The following SPATA13 variants were observed in gnomAD, a reference collection of about 807,000 sequenced individuals.
The protein encoded by SPATA13 is spermatogenesis associated 13.
A neutral mutation model predicts 104.0 loss-of-function variants in SPATA13; 50 were observed. That is an observed-to-expected ratio of 0.48 (90% CI 0.38 to 0.61). SPATA13 has a LOEUF of 0.61. Ranked by LOEUF, SPATA13 falls within the 20% of genes least tolerant of loss-of-function variation. SPATA13 has a pLI of 0.00. For synonymous variants in SPATA13, 606 were observed against 667.5 expected (o/e 0.91, Z 1.42); for missense variants, 1,524 against 1,690.6 (o/e 0.90, Z 1.73).
chr13:24,299,271 G>A (rs1877010503), intron 11 of SPATA13, among the ~76,000 whole-genome samples: 2 of 152,130 alleles, frequency 1.3e-5, no homozygotes, highest in Admixed American at 6.5e-5. Flanking sequence ...GGAAAGGAGG[G>A]GCCCGATGTG....
chr13:24,091,277 C>A (rs1159745835), intron 3 of SPATA13, among the ~76,000 whole-genome samples: 1 of 152,200 alleles, frequency 6.6e-6, no homozygotes, highest in Non-Finnish European at 1.5e-5. Flanking sequence ...ATGGGTGTGG[C>A]CTTCCTGGTT....
rs772140296 is a variant in SPATA13, at chr13:24,294,886, C to G, written c.3210+18C>G. 3.8e-6 allele frequency: 6 copies of G among 1,595,574 alleles called. 1 individual carries two copies. Among genetic ancestry groups the G allele is most frequent in the Non-Finnish European group, 4.3e-6 (5 of 1,164,812 alleles). On this transcript the variant is annotated intron_variant, in intron 10 of 12. Transcript: ENST00000382108. The stretch of plus-strand genomic sequence containing the variant: ...GCTGGGAGGTAAGTGGAAAGCACCC[C>G]ACATGATCCCATGCCACTCGCCCTT...
intron 3 of SPATA13, among the ~76,000 whole-genome samples, chr13:24,121,492 T>G (rs923873288): frequency 6.6e-6 from 1 of 152,186 alleles, no homozygotes; most frequent in African/African-American, 2.4e-5. Context: ...AGTTATGTAG[T>G]GCTACAATAA....
rs146270169 is a variant in SPATA13 at position 24,257,739 on chromosome 13, G to A, written c.2164+5877G>A. On this transcript the variant is annotated intron_variant, in intron 4 of 12. Coordinates refer to ENST00000382108, the MANE Select transcript of SPATA13 (RefSeq NM_001166271.3). ...CTTTATCAGAGTGATACAGTAATAC[G>A]AATTGCTAGCAGGCAGGTTGTAAAA... Among the ~76,000 whole-genome samples the A allele has an allele frequency of 2.0e-3, 308 of 152,010 alleles. 1 individual carries two copies. The highest frequency in any genetic ancestry group is 6.2e-3 in the African/African-American group (256 of 41,434).
chr13:24,222,210 G>C (rs1316789905), intron 1 of SPATA13, among the ~76,000 whole-genome samples: 1 of 152,154 alleles, frequency 6.6e-6, no homozygotes, highest in Non-Finnish European at 1.5e-5. Flanking sequence ...CTCAGAGGCT[G>C]CCCTGGCATG....
chr13:24,125,506 G>A (rs142001467), intron 3 of SPATA13, among the ~76,000 whole-genome samples: 27 of 152,174 alleles, frequency 1.8e-4, no homozygotes, highest in East Asian at 1.5e-3. Context: ...TTCAGGGGTC[G>A]TATGGACCAA....
At chr13:24,103,505 A>AAC (rs1880329771) in intron 3 of SPATA13, among the ~76,000 whole-genome samples, 1 of 83,890 alleles carries the variant, frequency 1.2e-5, no homozygotes, top group Admixed American at 1.2e-4. Context: ...AAAAAAAACA[A>AAC]GAAAGAAAAG....
rs183586646 is a variant in SPATA13 at position 24,131,273 on chromosome 13, C to T, written c.-111-91546C>T. 4.5e-4 allele frequency among the ~76,000 whole-genome samples: 68 copies of T among 152,294 alleles called. 1 individual carries two copies. The highest frequency in any genetic ancestry group is 7.2e-4 in the Non-Finnish European group (49 of 68,024). ...GAATTTCCATCACGTATGGGCATAT[C>T]TTGTCTTGACCAGCTAGTCCTCTTT... On this transcript the variant is annotated intron_variant, in intron 3 of 14. Transcript: ENST00000424834.
rs1257445944 is a variant in SPATA13, at chr13:24,223,946, T to C, written c.1017T>C (p.Ser339=). 8 of 1,549,994 alleles carry C rather than the reference T, an allele frequency of 5.2e-6. No homozygotes were observed. In the East Asian group the frequency reaches 2.0e-4, roughly 38 times the overall value. ...EAAWRRESPR[S]GAPSPGEASL... ...CCTGGAGGAGGGAGAGTCCTAGGAG[T>C]GGGGCCCCATCCCCTGGAGAGGCCA... The change falls in exon 2 of 13, where the codon AGT becomes AGC. Residue 339 remains serine (S), a synonymous_variant. Transcript: ENST00000382108.
intron 3 of SPATA13, among the ~76,000 whole-genome samples, chr13:24,044,573 G>A (rs941788062): frequency 4.6e-5 from 7 of 152,022 alleles, no homozygotes; most frequent in Non-Finnish European, 1.0e-4. Context: ...TAACGTACAG[G>A]GTACAGTGTG....
At chr13:24,190,042 T>C (rs182417463) in intron 1 of SPATA13, among the ~76,000 whole-genome samples, 448 of 7,280 alleles carry the variant, frequency 0.062, 189 homozygotes, top group Non-Finnish European at 0.39. Context: ...CAATATATAT[T>C]ATTATATAAC....
At chr13:24,162,379 C>G (rs1334192000) in intron 1 of SPATA13, 1 of 154,994 alleles carries the variant, frequency 6.5e-6, no homozygotes, top group Non-Finnish European at 1.5e-5. Context: ...CCTTCTGCTG[C>G]GGTTTTCCAT....
chr13:24,056,003 AG>A (rs1439146957), intron 3 of SPATA13, among the ~76,000 whole-genome samples: 2 of 152,238 alleles, frequency 1.3e-5, no homozygotes, highest in African/African-American at 4.8e-5. Flanking sequence ...CAGTGGTTCA[AG>A]TGACTTGGAG....
rs1459628516 is a variant in SPATA13, at chr13:24,222,855, T to C, written c.-75T>C. On this transcript the variant is annotated 5_prime_UTR_variant, in exon 2 of 13. Transcript: ENST00000382108. ...CCAGGAGCCCGATGTGCAAGGCAGG[T>C]GTGAGTGCCAGGACGGCATTCCTGG... 1 of 1,537,078 alleles carries C rather than the reference T, an allele frequency of 6.5e-7. No individual in the cohort carries two copies. Among genetic ancestry groups the C allele is most frequent in the African/African-American group, 1.4e-5 (1 of 72,802 alleles).
At chr13:24,198,298 G>C (rs2138565651) in intron 1 of SPATA13, among the ~76,000 whole-genome samples, 1 of 152,192 alleles carries the variant, frequency 6.6e-6, no homozygotes, top group Non-Finnish European at 1.5e-5. Context: ...GAGCCACCTT[G>C]TTTTGTTTCC....
intron 1 of SPATA13, among the ~76,000 whole-genome samples, chr13:24,173,400 GT>G: frequency 7.1e-6 from 1 of 141,364 alleles, no homozygotes; most frequent in African/African-American, 2.5e-5. Flanking sequence ...GTGTGTGTGT[GT>G]GGTAGATTTC....
chr13:24,104,105 CT>C (rs1286302587), intron 3 of SPATA13, among the ~76,000 whole-genome samples: 1 of 152,062 alleles, frequency 6.6e-6, no homozygotes, highest in East Asian at 1.9e-4. Context: ...TGTTAGAGAG[CT>C]GTAGATGACA....
At chr13:24,294,919 C>T in intron 10 of SPATA13, 51 bp downstream of exon 10, 1 of 1,568,430 alleles carries the variant, frequency 6.4e-7, no homozygotes, top group Non-Finnish European at 8.7e-7. Flanking sequence ...CTTCCCGCAC[C>T]TTTGATCTGG....
intron 4 of SPATA13, among the ~76,000 whole-genome samples, chr13:24,258,679 AAG>A (rs1271714393): frequency 6.6e-6 from 1 of 152,218 alleles, no homozygotes. Flanking sequence ...GCTAAAAAAA[AAG>A]AGAGACTGAA....
Sources: allele counts gnomAD v4.1 joint callset (sites outside exome capture counted in the v4.1 genomes callset), GRCh38; gene constraint gnomAD v4.1.1; transcripts MANE v1.5; gene names NCBI Gene and HGNC (gene_info 2026-07-23, HGNC 2026-07-21).